CIMAP2: variants seen among roughly 807,000 people sequenced by gnomAD.
CIMAP2 encodes the protein ciliary microtubule-associated protein 2.
At chr1:54,821,291 A>C in the CIMAP2 span, among the ~76,000 whole-genome samples, 1 of 152,062 alleles carries the variant, frequency 6.6e-6, no homozygotes, top group South Asian at 2.1e-4. Context: ...TTTAGTCATA[A>C]AGTTGTTGCC....
chr1:54,806,249 G>A, the CIMAP2 span: 11 of 1,491,888 alleles, frequency 7.4e-6, no homozygotes, highest in South Asian at 1.0e-4. Context: ...CTGGGCTCAC[G>A]CCCACGGTCC....
chr1:54,828,637 C>T, the CIMAP2 span, among the ~76,000 whole-genome samples: 8 of 152,096 alleles, frequency 5.3e-5, no homozygotes, highest in Non-Finnish European at 5.9e-5. Flanking sequence ...GCCAAGATCC[C>T]ATTCTTTTCT....
chr1:54,824,434 T>G, the CIMAP2 span, among the ~76,000 whole-genome samples: 1 of 152,316 alleles, frequency 6.6e-6, no homozygotes, highest in East Asian at 1.9e-4. Flanking sequence ...TGTCTATATC[T>G]TTTGCAAGAC....
the CIMAP2 span, among the ~76,000 whole-genome samples, chr1:54,839,838 CCTT>C: frequency 6.6e-6 from 1 of 152,140 alleles, no homozygotes; most frequent in Admixed American, 6.5e-5. Flanking sequence ...GCAGCCTTGA[CCTT>C]CTGGGCTCGA....
the CIMAP2 span, among the ~76,000 whole-genome samples, chr1:54,810,376 A>C: frequency 6.6e-6 from 1 of 152,196 alleles, no homozygotes. Flanking sequence ...GGTCTCCCCC[A>C]GTCACTGCCA....
chr1:54,839,850 G>A, the CIMAP2 span, among the ~76,000 whole-genome samples: 83,617 of 151,420 alleles, frequency 0.55, 24,198 homozygotes, highest in South Asian at 0.71. Context: ...TTCTGGGCTC[G>A]AGCAATCCTC....
the CIMAP2 span, among the ~76,000 whole-genome samples, chr1:54,809,478 AC>A: frequency 1.3e-5 from 2 of 152,218 alleles, no homozygotes; most frequent in Non-Finnish European, 2.9e-5. Context: ...CATAGCACTT[AC>A]CATGTACTAA....
chr1:54,815,080 C>G, the CIMAP2 span: 1 of 1,609,838 alleles, frequency 6.2e-7, no homozygotes, highest in Admixed American at 1.7e-5. Context: ...GAACTCTCTC[C>G]TGCCTCTACA....
chr1:54,809,917 C>G, the CIMAP2 span, among the ~76,000 whole-genome samples: 1 of 151,666 alleles, frequency 6.6e-6, no homozygotes, highest in South Asian at 2.1e-4. Flanking sequence ...AGTGATGATT[C>G]ATTCATTTCC....
chr1:54,806,587 A>G, the CIMAP2 span, among the ~76,000 whole-genome samples: 4 of 151,136 alleles, frequency 2.6e-5, no homozygotes, highest in East Asian at 7.8e-4. Flanking sequence ...ATTCACTCAT[A>G]TTCCACTCTG....
chr1:54,806,079 C>T, the CIMAP2 span: 7 of 1,489,382 alleles, frequency 4.7e-6, no homozygotes, highest in Non-Finnish European at 6.2e-6. Context: ...CCCGGGTTGC[C>T]GTGGCAGCAG....
chr1:54,834,914 T>C, the CIMAP2 span, among the ~76,000 whole-genome samples: 1 of 152,352 alleles, frequency 6.6e-6, no homozygotes, highest in Admixed American at 6.5e-5. Context: ...AATGGTTTAC[T>C]CTTCCTGCTT....
chr1:54,823,710 T>C, the CIMAP2 span, among the ~76,000 whole-genome samples: 1 of 152,222 alleles, frequency 6.6e-6, no homozygotes, highest in Non-Finnish European at 1.5e-5. Flanking sequence ...TAGACTACTT[T>C]CTCTTTCTCA....
chr1:54,819,955 CTTT>C, the CIMAP2 span, among the ~76,000 whole-genome samples: 1 of 103,664 alleles, frequency 9.6e-6, no homozygotes, highest in African/African-American at 3.8e-5. Context: ...GTCCTTCTTT[CTTT>C]CTCTTTTCTT....
At chr1:54,824,161 A>G in the CIMAP2 span, among the ~76,000 whole-genome samples, 3 of 152,168 alleles carry the variant, frequency 2.0e-5, no homozygotes, top group Non-Finnish European at 2.9e-5. Context: ...AGCTGGGAGC[A>G]TAGGCATGTG....
the CIMAP2 span, chr1:54,811,674 G>T: frequency 1.8e-6 from 2 of 1,138,614 alleles, no homozygotes; most frequent in South Asian, 1.4e-5. Flanking sequence ...GGTAGCAAGC[G>T]GACACCCTGA....
At chr1:54,807,049 A>G in the CIMAP2 span, 3 of 1,614,134 alleles carry the variant, frequency 1.9e-6, no homozygotes. Flanking sequence ...ACCTTCACTG[A>G]GGCCCCATAC....
At chr1:54,807,067 G>A in the CIMAP2 span, 37 of 1,613,726 alleles carry the variant, frequency 2.3e-5, no homozygotes, top group African/African-American at 1.9e-4. Flanking sequence ...TACTCCACGC[G>A]TTATTCTACC....
the CIMAP2 span, among the ~76,000 whole-genome samples, chr1:54,818,987 C>A: frequency 6.6e-6 from 1 of 151,994 alleles, no homozygotes; most frequent in Non-Finnish European, 1.5e-5. Flanking sequence ...TCCTTTTTTT[C>A]TTTTGCTTGT....
Sources: allele counts gnomAD v4.1 joint callset (sites outside exome capture counted in the v4.1 genomes callset), GRCh38; gene constraint gnomAD v4.1.1; transcripts MANE v1.5; gene names NCBI Gene and HGNC (gene_info 2026-07-23, HGNC 2026-07-21).